The following SVIL variants were observed in gnomAD, a reference collection of about 807,000 sequenced individuals.
SVIL encodes archvillin.
A neutral mutation model predicts 240.4 loss-of-function variants in SVIL; 101 were observed. The observed-to-expected ratio is 0.42, with a 90% CI of 0.36 to 0.50. The LOEUF is 0.50. SVIL is among the 20% of genes least tolerant of loss of function. The probability of loss-of-function intolerance (pLI) is 0.01; values close to 1 mark genes in which losing one functional copy is unlikely to be tolerated. For missense variants in SVIL, 2,512 were observed against 2,818.7 expected, an observed-to-expected ratio of 0.89 and a Z score of 2.46; for synonymous variants, 999 against 1,100.0, an observed-to-expected ratio of 0.91 and a Z score of 1.82.
In SVIL at chr10:29,717,146, T is replaced by C. The variant is rs1000357250; in HGVS notation, c.-400+18605A>G. On this transcript the variant is annotated intron_variant, in intron 1 of 35. Coordinates refer to the SVIL transcript ENST00000375400. ...TACTCGGGAGGCTGAGGCAGGAGAATGGCGTGAACCCGGGAGGCGGAGCTT... is the reference window on the plus strand; with the variant it reads ...TACTCGGGAGGCTGAGGCAGGAGAACGGCGTGAACCCGGGAGGCGGAGCTT... 3.6e-5 allele frequency among the ~76,000 whole-genome samples: 5 copies of C among 137,878 alleles called. No homozygotes were observed. The South Asian group carries it at 6.9e-4, about 19-fold the overall frequency. 90.5% of individuals were successfully genotyped at this position (137,878 alleles called of 152,430 possible). A position where few individuals can be genotyped will look rare whatever the true frequency, so the allele number is the denominator to read the frequency against.
chr10:29,706,293 C>T (rs1304334287), intron 1 of SVIL, among the ~76,000 whole-genome samples: 1 of 152,170 alleles, frequency 6.6e-6, no homozygotes, highest in Admixed American at 6.5e-5. Context: ...AAAAGCATTC[C>T]TATTTCTCCA....
intron 3 of SVIL, among the ~76,000 whole-genome samples, chr10:29,653,653 A>T (rs190981523): frequency 6.6e-6 from 1 of 152,118 alleles, no homozygotes; most frequent in Non-Finnish European, 1.5e-5. Flanking sequence ...ATTTGTATCT[A>T]TGCTTTTTCT....
At chr10:29,701,816 C>G (rs1206165375) in intron 1 of SVIL, among the ~76,000 whole-genome samples, 2 of 152,016 alleles carry the variant, frequency 1.3e-5, no homozygotes, top group Admixed American at 1.3e-4. Flanking sequence ...ATTTGGAAGA[C>G]CAAATAAAAT....
At chr10:29,500,530 A>AGGC (rs1400142411) in intron 17 of SVIL, among the ~76,000 whole-genome samples, 1 of 152,128 alleles carries the variant, frequency 6.6e-6, no homozygotes, top group Non-Finnish European at 1.5e-5. Context: ...AACCCGAGGA[A>AGGC]GGCTGCTGCT....
chr10:29,458,518 C>A lies in SVIL; in HGVS notation c.6474G>T (p.Pro2158=), dbSNP rs140844469. 1.5e-5 allele frequency: 24 copies of A among 1,600,674 alleles called. No homozygotes were observed. In the African/African-American group the frequency reaches 2.8e-4, roughly 19 times the overall value. Residue 2158 remains proline, a synonymous_variant, in exon 37 of 38, where the codon CCG becomes CCT. Transcript: ENST00000355867. ...GTGGCCTGGCCAGGAGGTCGGCCAG[C>A]GGGTAAATGGTTTTACAGAGCTTGG... ...VLAKLCKTIY[P]LADLLARPLP... is the part of the protein sequence containing the mutation.
upstream of SVIL, among the ~76,000 whole-genome samples, chr10:29,637,430 T>G (rs987078924): frequency 2.6e-5 from 4 of 152,086 alleles, no homozygotes; most frequent in Non-Finnish European, 5.9e-5. Flanking sequence ...GAGGCAGAGG[T>G]TGCAGTGAGC....
Position 29,499,263 on chromosome 10 carries a change from G to A in SVIL, c.3517C>T (p.Arg1173Trp), listed in dbSNP as rs142607117. 4.1e-4 allele frequency: 663 copies of A among 1,614,158 alleles called. 6 individuals are homozygous for A. In the East Asian group the frequency reaches 7.8e-3, roughly 19 times the overall value. Reference sequence around the variant, plus strand: ...TGGCTCTCTCGACTTTCTGTGACCCGCTGTTCATAAATGTACAGAAGAGAA... The same window carrying A: ...TGGCTCTCTCGACTTTCTGTGACCCACTGTTCATAAATGTACAGAAGAGAA... Reference protein sequence around the residue: ...QEAGRSLIKKRVTESRESQMT... With the variant: ...QEAGRSLIKKWVTESRESQMT... The change falls in exon 18 of 38, where the codon CGG (arginine) becomes TGG (tryptophan). Residue 1173 changes from arginine (R) to tryptophan (W), a missense_variant and splice_region_variant. By Grantham distance (101) the Arg-to-Trp change is moderately radical. Transcript: ENST00000355867.
intron 21 of SVIL, among the ~76,000 whole-genome samples, chr10:29,492,795 T>C (rs961683326): frequency 3.3e-5 from 5 of 152,250 alleles, no homozygotes; most frequent in Non-Finnish European, 7.3e-5. Flanking sequence ...TTAGCTGTAT[T>C]AGTTTGAGCC....
At chr10:29,601,459 C>T (rs970552461) in intron 1 of SVIL, among the ~76,000 whole-genome samples, 1 of 152,218 alleles carries the variant, frequency 6.6e-6, no homozygotes, top group Non-Finnish European at 1.5e-5. Context: ...TTCACCATAG[C>T]ATCTAGCCAC....
At chr10:29,732,072 A>C (rs1564371508) in intron 1 of SVIL, among the ~76,000 whole-genome samples, 1 of 152,240 alleles carries the variant, frequency 6.6e-6, no homozygotes, top group African/African-American at 2.4e-5. Context: ...TGAAATGCAC[A>C]AAAGCAGGGA....
chr10:29,545,161 G>A (rs1952541509), intron 6 of SVIL: 3 of 520,984 alleles, frequency 5.8e-6, no homozygotes, highest in Admixed American at 2.0e-5. Context: ...TGAGGCTCTG[G>A]AGACGGTTTT....
chr10:29,576,030 G>A (rs1955680914), intron 1 of SVIL: 1 of 881,558 alleles, frequency 1.1e-6, no homozygotes, highest in Non-Finnish European at 1.4e-6. Flanking sequence ...ATAAATGTGA[G>A]TTACAATAAT....
At chr10:29,625,792 T>G (rs965984241) in intron 1 of SVIL, among the ~76,000 whole-genome samples, 5 of 152,120 alleles carry the variant, frequency 3.3e-5, no homozygotes, top group African/African-American at 9.7e-5. Context: ...GCGTATAAGC[T>G]TTATCAGTAT....
intron 3 of SVIL, among the ~76,000 whole-genome samples, chr10:29,562,785 A>G (rs1192780100): frequency 2.0e-5 from 3 of 150,428 alleles, no homozygotes; most frequent in African/African-American, 7.4e-5. Flanking sequence ...AAAAAAAAAA[A>G]AAAAAAAAAA....
At chr10:29,620,410 A>G (rs1957587948) in intron 1 of SVIL, among the ~76,000 whole-genome samples, 1 of 152,210 alleles carries the variant, frequency 6.6e-6, no homozygotes, top group Non-Finnish European at 1.5e-5. Flanking sequence ...GACTCCCCTT[A>G]TAGTGTCCCT....
intron 16 of SVIL, among the ~76,000 whole-genome samples, chr10:29,520,412 C>T (rs560837834): frequency 1.1e-3 from 172 of 152,270 alleles, no homozygotes; most frequent in Non-Finnish European, 2.1e-3. Context: ...CAACTGCTTC[C>T]CCGATTGAAG....
rs11007703 is a variant in SVIL, at chr10:29,703,114, A to T, written c.-399-16463T>A. On this transcript the variant is annotated intron_variant, in intron 1 of 35. Coordinates refer to the SVIL transcript ENST00000375400. Reference sequence around the variant, plus strand: ...ATCTAGGCATTTATTTTTAATAGAGAAAAAAGAGAGAGCTTAGTTTCTGTA... The same window carrying T: ...ATCTAGGCATTTATTTTTAATAGAGTAAAAAGAGAGAGCTTAGTTTCTGTA... Among the ~76,000 whole-genome samples the T allele has an allele frequency of 2.0e-5, 3 of 152,214 alleles. No individual in the cohort carries two copies. In the South Asian group the frequency reaches 6.2e-4, roughly 32 times the overall value.
intron 2 of SVIL, among the ~76,000 whole-genome samples, chr10:29,686,123 G>T (rs1961048388): frequency 6.6e-6 from 1 of 152,304 alleles, no homozygotes; most frequent in Non-Finnish European, 1.5e-5. Flanking sequence ...AGAGCAACTT[G>T]AAGTAGAGAG....
intron 13 of SVIL, 63 bp downstream of exon 13, chr10:29,526,898 G>T: frequency 7.8e-7 from 1 of 1,283,936 alleles, no homozygotes; most frequent in Non-Finnish European, 1.0e-6. Context: ...CAAGACTTTA[G>T]GATGCATCTG....
Sources: gnomAD v4.1 joint callset for allele counts (sites outside exome capture counted in the v4.1 genomes callset) on GRCh38, gnomAD v4.1.1 for gene constraint, MANE v1.5 for transcripts, NCBI Gene and HGNC (gene_info 2026-07-23, HGNC 2026-07-21) for gene names.